Variants in LRMDA observed in about 807,000 individuals in gnomAD.
LRMDA encodes leucine rich melanocyte differentiation associated.
A neutral mutation model predicts 29.8 loss-of-function variants in LRMDA; 18 were observed. That is an observed-to-expected ratio of 0.60 (90% confidence interval 0.42 to 0.90). The LOEUF is 0.90. LRMDA is among the 40% of genes least tolerant of loss of function. The pLI is 0.00. For missense variants in LRMDA, 273 were observed against 273.9 expected, an observed-to-expected ratio of 1.00 and a Z score of 0.02; for synonymous variants, 125 against 109.4, an observed-to-expected ratio of 1.14 and a Z score of -0.89.
intron 6 of LRMDA, among the ~76,000 whole-genome samples, chr10:76,444,164 G>A (rs530717911): frequency 4.6e-5 from 7 of 152,272 alleles, no homozygotes; most frequent in African/African-American, 1.7e-4. Context: ...TATAGAAAAG[G>A]GAGTTGAGGG....
chr10:75,449,047 G>A (rs1844427812), intron 2 of LRMDA, among the ~76,000 whole-genome samples: 1 of 151,818 alleles, frequency 6.6e-6, no homozygotes, highest in Non-Finnish European at 1.5e-5. Context: ...AGCTACTCGG[G>A]AGGCTGAGGC....
At chr10:75,495,183 A>G (rs769181472) in intron 2 of LRMDA, among the ~76,000 whole-genome samples, 2 of 152,114 alleles carry the variant, frequency 1.3e-5, no homozygotes, top group Admixed American at 6.6e-5. Flanking sequence ...GGCCACCTGT[A>G]GATTCTGCCT....
intron 2 of LRMDA, among the ~76,000 whole-genome samples, chr10:75,540,567 A>G (rs896162607): frequency 6.6e-6 from 1 of 152,030 alleles, no homozygotes; most frequent in Non-Finnish European, 1.5e-5. Context: ...CCCCACTAGC[A>G]CTCTGCTCCA....
intron 2 of LRMDA, among the ~76,000 whole-genome samples, chr10:75,458,785 C>T (rs1411336078): frequency 1.3e-5 from 2 of 152,104 alleles, no homozygotes; most frequent in African/African-American, 4.8e-5. Context: ...ACTAAATTTA[C>T]TCTTCCTGCC....
At chr10:75,789,756 T>C (rs1324989947) in intron 2 of LRMDA, among the ~76,000 whole-genome samples, 1 of 152,216 alleles carries the variant, frequency 6.6e-6, no homozygotes, top group African/African-American at 2.4e-5. Context: ...CAAATATTGA[T>C]GTCCCCAAGG....
At chr10:76,529,527 G>A (rs984691329) in intron 6 of LRMDA, among the ~76,000 whole-genome samples, 15 of 152,124 alleles carry the variant, frequency 9.9e-5, no homozygotes, top group Non-Finnish European at 2.2e-4. Flanking sequence ...AATCTTAAGT[G>A]TGCTTAAGAA....
chr10:75,892,083 A>T (rs1326792402), intron 2 of LRMDA, among the ~76,000 whole-genome samples: 5 of 152,174 alleles, frequency 3.3e-5, no homozygotes, highest in Admixed American at 3.3e-4. Flanking sequence ...AGTGATGATC[A>T]ATGGGTTTTG....
chr10:76,406,925 T>C (rs143571624), intron 6 of LRMDA, among the ~76,000 whole-genome samples: 10 of 152,322 alleles, frequency 6.6e-5, no homozygotes, highest in African/African-American at 2.4e-4. Context: ...TTGTTCCAGA[T>C]CTCAGTACAG....
intron 6 of LRMDA, among the ~76,000 whole-genome samples, chr10:76,514,820 G>A (rs80103113): frequency 0.028 from 4,331 of 152,150 alleles, 141 homozygotes; most frequent in African/African-American, 0.076. Flanking sequence ...TGGTGCACAC[G>A]TCTTCATGGG....
chr10:75,803,960 G>T (rs1030172016), intron 2 of LRMDA, among the ~76,000 whole-genome samples: 2 of 152,212 alleles, frequency 1.3e-5, no homozygotes, highest in Non-Finnish European at 2.9e-5. Context: ...GTCAAAGATA[G>T]CGTGGCCTTT....
chr10:76,416,040 C>T (rs1306425178), intron 6 of LRMDA, among the ~76,000 whole-genome samples: 1 of 152,220 alleles, frequency 6.6e-6, no homozygotes, highest in African/African-American at 2.4e-5. Context: ...GGGATCAAGC[C>T]TACACTTTGT....
rs192911568 is a variant in LRMDA, at chr10:75,715,651, A to G, written c.131+277157A>G. Among the ~76,000 whole-genome samples the G allele has an allele frequency of 4.5e-3, 690 of 152,278 alleles. 8 individuals are homozygous for G. Among genetic ancestry groups the G allele is most frequent in the African/African-American group, 0.016 (663 of 41,554 alleles). ...TTTTGCCAGTCTTAAATTTTTGGGC[A>G]TTTAGCCTATTTAATTTTTTTTTAC... is the stretch of plus-strand genomic sequence containing the variant. On this transcript the variant is annotated intron_variant, in intron 2 of 6. Transcript: ENST00000611255.
At chr10:76,025,781 C>T (rs7087208) in intron 2 of LRMDA, among the ~76,000 whole-genome samples, 4,830 of 152,260 alleles carry the variant, frequency 0.032, 273 homozygotes, top group East Asian at 0.24. Flanking sequence ...TAGCTCAAGC[C>T]CATCTCCTTC....
At chr10:76,295,495 A>T (rs1840400021) in intron 5 of LRMDA, among the ~76,000 whole-genome samples, 1 of 152,238 alleles carries the variant, frequency 6.6e-6, no homozygotes, top group Admixed American at 6.5e-5. Flanking sequence ...CATGGTCACT[A>T]AACCTGGATA....
intron 2 of LRMDA, among the ~76,000 whole-genome samples, chr10:75,653,548 T>G (rs1841626768): frequency 6.6e-6 from 1 of 152,206 alleles, no homozygotes; most frequent in African/African-American, 2.4e-5. Flanking sequence ...AATATCCAGT[T>G]GAATACAATA....
intron 5 of LRMDA, among the ~76,000 whole-genome samples, chr10:76,239,345 G>A (rs969481253): frequency 9.2e-5 from 14 of 152,242 alleles, no homozygotes; most frequent in African/African-American, 3.4e-4. Flanking sequence ...TGGTCACCAT[G>A]TCATTATCAC....
intron 5 of LRMDA, among the ~76,000 whole-genome samples, chr10:76,224,094 AAGCCCTGTCCTAGGAC>A (rs1851903510): frequency 6.6e-6 from 1 of 152,166 alleles, no homozygotes; most frequent in Admixed American, 6.5e-5. Context: ...AGTGGTTGCT[AAGCCCTGTCCTAGGAC>A]ATTATAATTT....
intron 2 of LRMDA, among the ~76,000 whole-genome samples, chr10:75,925,612 G>GTGGCAGTGGTGGTGGTAATGA (rs1248951415): frequency 1.3e-5 from 2 of 152,120 alleles, no homozygotes; most frequent in African/African-American, 4.8e-5. Flanking sequence ...GAAGGTGATG[G>GTGGCAGTGGTGGTGGTAATGA]TGGCAGTGGT....
At chr10:75,597,545 C>T (rs542885748) in intron 2 of LRMDA, among the ~76,000 whole-genome samples, 3 of 152,090 alleles carry the variant, frequency 2.0e-5, no homozygotes, top group Admixed American at 6.5e-5. Context: ...CTTGTGAGCA[C>T]GGGAGAGAAA....
Sources: gnomAD v4.1 joint callset for allele counts (sites outside exome capture counted in the v4.1 genomes callset) on GRCh38, gnomAD v4.1.1 for gene constraint, MANE v1.5 for transcripts, NCBI Gene and HGNC (gene_info 2026-07-23, HGNC 2026-07-21) for gene names.